Variants in ABCA12 observed in about 807,000 individuals in gnomAD.
The protein encoded by ABCA12 is glucosylceramide transporter ABCA12.
ABCA12 carries 156 observed loss-of-function variants against 293.5 expected under a neutral mutation model. That is an observed-to-expected ratio of 0.53 (90% CI 0.47 to 0.61). The LOEUF (loss-of-function observed/expected upper bound fraction) is 0.61, where lower values mean the gene tolerates loss of function less well. ABCA12 is among the 20% of genes least tolerant of loss of function. The pLI is 0.00. For missense variants in ABCA12, 2,797 were observed against 3,090.2 expected, an observed-to-expected ratio of 0.91 and a Z score of 2.25; for synonymous variants, 1,063 against 1,108.0, an observed-to-expected ratio of 0.96 and a Z score of 0.81.
chr2:215,007,806 T>G lies in ABCA12; in HGVS notation c.2513A>C (p.Lys838Thr). 6.2e-7 allele frequency: 1 copy of G among 1,614,058 alleles called. No homozygotes were observed. Residue 838 changes from lysine (K) to threonine (T), a missense_variant, in exon 19 of 53, where the codon AAA becomes ACA. Transcript: ENST00000272895. ...TLRQLAELRE[K>T]SQEWMDKSPL... ...CGACTTATCCATCCACTCTTGAGAT[T>G]TTTCTCTTAATTCCGCCAGCTGTCT...
At chr2:215,062,739 C>T (rs28629324) in intron 3 of ABCA12, among the ~76,000 whole-genome samples, 25,213 of 151,980 alleles carry the variant, frequency 0.17, 2,364 homozygotes, top group East Asian at 0.35. Context: ...TTTTCCTTGT[C>T]CTTGTTGGTC....
Position 214,978,342 on chromosome 2 carries a change from C to T in ABCA12, c.5102G>A (p.Ser1701Asn). 8 of 1,614,038 alleles carry T rather than the reference C, an allele frequency of 5.0e-6. No individual in the cohort carries two copies. Among genetic ancestry groups the T allele is most frequent in the Non-Finnish European group, 5.9e-6 (7 of 1,179,960 alleles). ...GISTPDDLSV[S>N]SSNFTDRDDK... The stretch of plus-strand genomic sequence containing the variant: ...ATCTCTGTCTGTGAAATTGCTGCTG[C>T]TCACAGATAAATCGTCAGGAGTTGA... The change falls in exon 33 of 53, where the codon AGC becomes AAC. Residue 1701 changes from serine to asparagine, a missense_variant. Ser to Asn is a conservative substitution (Grantham distance 46, BLOSUM62 1). Coordinates refer to ENST00000272895, the MANE Select transcript of ABCA12 (RefSeq NM_173076.3).
At chr2:214,952,837 T>C (rs1011920755) in intron 44 of ABCA12, among the ~76,000 whole-genome samples, 5 of 152,244 alleles carry the variant, frequency 3.3e-5, no homozygotes, top group Non-Finnish European at 5.9e-5. Flanking sequence ...TCTGTTCTGA[T>C]TAAATTGTAA....
At chr2:215,046,099 A>G in intron 6 of ABCA12, 84 bp from the exon 7 acceptor site, 1 of 1,420,564 alleles carries the variant, frequency 7.0e-7, no homozygotes, top group South Asian at 1.2e-5. Flanking sequence ...AAGCATCAAA[A>G]ATCTAGATTT....
chr2:214,957,888 G>A (rs972205662), intron 41 of ABCA12, among the ~76,000 whole-genome samples: 2 of 152,174 alleles, frequency 1.3e-5, no homozygotes, highest in African/African-American at 4.8e-5. Flanking sequence ...ATTACGTAAG[G>A]ATATTTTGCT....
chr2:215,090,902 A>ATTT (rs1702129021), intron 2 of ABCA12, among the ~76,000 whole-genome samples: 1 of 152,142 alleles, frequency 6.6e-6, no homozygotes, highest in Non-Finnish European at 1.5e-5. Flanking sequence ...CACCTGACCT[A>ATTT]AAACCTAAGC....
At chr2:215,052,888 C>T (rs968771215) in intron 4 of ABCA12, among the ~76,000 whole-genome samples, 5 of 152,036 alleles carry the variant, frequency 3.3e-5, no homozygotes, top group South Asian at 2.1e-4. Flanking sequence ...CCCAATAAAC[C>T]GAATCATTTC....
At chr2:214,992,651 C>G (rs1408540094) in intron 23 of ABCA12, among the ~76,000 whole-genome samples, 2 of 150,208 alleles carry the variant, frequency 1.3e-5, no homozygotes, top group African/African-American at 4.9e-5. Context: ...CACCTGAGGT[C>G]AGGAGTTCCA....
chr2:214,963,622 A>G (rs2105943731), intron 39 of ABCA12, among the ~76,000 whole-genome samples: 1 of 150,262 alleles, frequency 6.7e-6, no homozygotes, highest in South Asian at 2.1e-4. Context: ...AAAAAAAAAA[A>G]AAAAAAAGAG....
chr2:215,065,089 A>C (rs1701614987), intron 2 of ABCA12, among the ~76,000 whole-genome samples: 1 of 151,896 alleles, frequency 6.6e-6, no homozygotes, highest in African/African-American at 2.4e-5. Context: ...GTAAACTTTA[A>C]CATTTCCTTT....
intron 1 of ABCA12, among the ~76,000 whole-genome samples, 172 bp downstream of exon 1, chr2:215,137,968 A>G (rs188588089): frequency 6.6e-6 from 1 of 151,964 alleles, no homozygotes; most frequent in East Asian, 1.9e-4. Flanking sequence ...GCATGTTAAG[A>G]CTCGCTCCAT....
chr2:215,071,405 T>C (rs899218970), intron 2 of ABCA12, among the ~76,000 whole-genome samples: 1 of 151,434 alleles, frequency 6.6e-6, no homozygotes, highest in Non-Finnish European at 1.5e-5. Flanking sequence ...AAAGTCCAAA[T>C]AAATAATTAA....
intron 2 of ABCA12, among the ~76,000 whole-genome samples, chr2:215,096,243 C>T (rs1411932240): frequency 6.6e-6 from 1 of 152,088 alleles, no homozygotes; most frequent in East Asian, 1.9e-4. Flanking sequence ...TTTTACTCCC[C>T]AACAATGCTA....
At chr2:215,041,233 A>C (rs1349737143) in intron 7 of ABCA12, among the ~76,000 whole-genome samples, 1 of 152,200 alleles carries the variant, frequency 6.6e-6, no homozygotes, top group African/African-American at 2.4e-5. Context: ...GAATTAAAGA[A>C]AATTGAAGAT....
At chr2:215,103,198 C>T (rs35941397) in intron 2 of ABCA12, among the ~76,000 whole-genome samples, 8 of 151,524 alleles carry the variant, frequency 5.3e-5, no homozygotes, top group African/African-American at 1.5e-4. Context: ...ATGCAACAGG[C>T]GCCCTTTAAA....
At chr2:215,043,902 A>G (rs1464062739) in intron 7 of ABCA12, among the ~76,000 whole-genome samples, 2 of 149,268 alleles carry the variant, frequency 1.3e-5, no homozygotes, top group Non-Finnish European at 3.0e-5. Flanking sequence ...TATAAATAGG[A>G]TGATAACGCT....
chr2:214,974,257 T>A (rs761754752), intron 35 of ABCA12, among the ~76,000 whole-genome samples: 3 of 152,218 alleles, frequency 2.0e-5, no homozygotes, highest in African/African-American at 4.8e-5. Context: ...ATTGATTACA[T>A]AGTATTGAGA....
chr2:215,034,525 A>G (rs898776842), intron 8 of ABCA12, among the ~76,000 whole-genome samples: 1 of 152,216 alleles, frequency 6.6e-6, no homozygotes, highest in Non-Finnish European at 1.5e-5. Context: ...GGCTCTTCTG[A>G]GGTTAAGCAG....
chr2:215,134,616 TAGAGAGAGAG>T lies in ABCA12; in HGVS notation c.69+3514_69+3523del, dbSNP rs1212910485. 1.2e-4 allele frequency among the ~76,000 whole-genome samples: 10 copies of T among 80,658 alleles called. 1 individual carries two copies. Among genetic ancestry groups the T allele is most frequent in the Admixed American group, 4.0e-4 (3 of 7,544 alleles). The allele number at this position is 80,658 out of a possible 152,430, so 52.9% of individuals were successfully genotyped here. On this transcript the variant is annotated intron_variant, in intron 1 of 52. Coordinates refer to ENST00000272895, the MANE Select transcript of ABCA12 (RefSeq NM_173076.3). Reference sequence around the variant, plus strand: ...CTCTCTCTCTATATATATATATATATAGAGAGAGAGAGAGAGAGAGAGAGACAAACAGAGA... The same window carrying T: ...CTCTCTCTCTATATATATATATATATAGAGAGAGAGAGAGACAAACAGAGA...
Sources: allele counts gnomAD v4.1 joint callset (sites outside exome capture counted in the v4.1 genomes callset), GRCh38; gene constraint gnomAD v4.1.1; transcripts MANE v1.5; gene names NCBI Gene and HGNC (gene_info 2026-07-23, HGNC 2026-07-21).